Variants in LTN1 observed in about 807,000 individuals in gnomAD.
LTN1 encodes the protein E3 ubiquitin-protein ligase listerin.
A neutral mutation model predicts 201.2 loss-of-function variants in LTN1; 88 were observed. That is an observed-to-expected ratio of 0.44 (90% CI 0.37 to 0.52). The LOEUF (loss-of-function observed/expected upper bound fraction) is 0.52, where lower values mean the gene tolerates loss of function less well. Among genes scored for constraint, LTN1 ranks in the 20% least tolerant of loss-of-function variants. The pLI is 0.00. For missense variants in LTN1, 1,752 were observed against 2,038.7 expected (o/e 0.86, Z 2.71); for synonymous variants, 645 against 713.5 (o/e 0.90, Z 1.53).
At position 28,970,565 on chromosome 21, in the gene LTN1, A is replaced by T; in HGVS notation, c.1162T>A (p.Ser388Thr). 1 of 1,611,524 alleles carries T rather than the reference A, an allele frequency of 6.2e-7. No homozygotes were observed. The highest frequency in any genetic ancestry group is 8.5e-7 in the Non-Finnish European group (1 of 1,178,544). ...TAAATTACTTACCCAGCAACTAGAG[A>T]CGTGAGGAAATTTTTGAAGAAATCC... ...KLDFFKNFLT[S>T]LVAGLSTERT... The change falls in exon 8 of 30, where the codon TCT (serine) becomes ACT (threonine). Residue 388 changes from serine to threonine, a missense_variant. Ser to Thr is a moderately conservative substitution (Grantham distance 58). Around this residue, in one of 3 missense-constraint regions of LTN1, gnomAD observed 1,211 missense variants for 1,312.8 expected, o/e 0.92. Coordinates refer to ENST00000361371, the MANE Select transcript of LTN1 (RefSeq NM_015565.3).
chr21:28,939,298 G>A (rs1003607273), intron 25 of LTN1, among the ~76,000 whole-genome samples: 1 of 151,990 alleles, frequency 6.6e-6, no homozygotes, highest in Non-Finnish European at 1.5e-5. Context: ...GTCATGGGAG[G>A]GAGCCTGGAA....
At position 28,943,870 on chromosome 21, in the gene LTN1, C is replaced by A. The variant is rs2084316349; in HGVS notation, c.4017G>T (p.Gln1339His). 6.2e-7 allele frequency: 1 copy of A among 1,613,488 alleles called. No individual in the cohort carries two copies. Among genetic ancestry groups the A allele is most frequent in the Non-Finnish European group, 8.5e-7 (1 of 1,179,572 alleles). ...ENKDVSETSF[Q>H]NAMLKPMCET... is the part of the protein sequence containing the mutation. ...CACACATGGGTTTCAGCATTGCATTCTGAAAGGATGTTTCAGACACATCTT... is the reference window on the plus strand; with the variant it reads ...CACACATGGGTTTCAGCATTGCATTATGAAAGGATGTTTCAGACACATCTT... The change falls in exon 23 of 30, where the codon CAG (glutamine) becomes CAT (histidine). Residue 1339 changes from glutamine to histidine, a missense_variant. By Grantham distance (24) the Gln-to-His change is conservative. This residue lies in a region of LTN1 where 1,211 missense variants were observed against 1,312.8 expected (regional missense o/e 0.92). Transcript: ENST00000361371.
chr21:28,990,202 T>A (rs2084733968), intron 1 of LTN1, among the ~76,000 whole-genome samples: 1 of 152,218 alleles, frequency 6.6e-6, no homozygotes, highest in Non-Finnish European at 1.5e-5. Context: ...TGCTTACATA[T>A]GTGTCTGTAT....
In LTN1 at chr21:28,966,534, C is replaced by T. The variant is rs746037528; in HGVS notation, c.1957G>A (p.Val653Ile). The change falls in exon 10 of 30, where the codon GTA (valine) becomes ATA (isoleucine). Residue 653 changes from valine (V) to isoleucine (I), a missense_variant. Transcript: ENST00000361371. ...AACTGCACCGCAGGATTTTTTTGTA[C>T]AAGCTTGGCTATTTCAAGAGGTTTG... ...QAKPLEIAKL[V>I]QKNPAVQFLY... The T allele has an allele frequency of 6.2e-7, 1 of 1,614,044 alleles. No individual in the cohort carries two copies. The highest frequency in any genetic ancestry group is 1.3e-5 in the African/African-American group (1 of 75,022).
chr21:28,974,174 G>T (rs932523410), intron 6 of LTN1, among the ~76,000 whole-genome samples: 1 of 151,980 alleles, frequency 6.6e-6, no homozygotes, highest in Non-Finnish European at 1.5e-5. Flanking sequence ...AAAGAAAAAT[G>T]ATCAATTAAG....
At chr21:28,970,443 TA>T (rs2084564241) in intron 8 of LTN1, 108 bp downstream of exon 8, 2 of 749,106 alleles carry the variant, frequency 2.7e-6, no homozygotes, top group Non-Finnish European at 4.4e-6. Context: ...ACTTTAAAAG[TA>T]TTTAATGAAT....
intron 1 of LTN1, among the ~76,000 whole-genome samples, chr21:28,991,000 G>T (rs932768735): frequency 6.6e-6 from 1 of 152,098 alleles, no homozygotes; most frequent in African/African-American, 2.4e-5. Flanking sequence ...AGCTAGCCGT[G>T]ATGGCCTGTA....
At chr21:28,985,983 C>T (rs75528793) in intron 3 of LTN1, among the ~76,000 whole-genome samples, 156 bp downstream of exon 3, 3,965 of 152,152 alleles carry the variant, frequency 0.026, 153 homozygotes, top group African/African-American at 0.084. Context: ...TTTATTTCCA[C>T]GCTCTTCTCA....
At chr21:28,943,229 T>C (rs185066998) in intron 24 of LTN1, 33 bp downstream of exon 24, 80 of 1,368,362 alleles carry the variant, frequency 5.8e-5, no homozygotes, top group South Asian at 4.9e-5. Flanking sequence ...ATTATAAGAA[T>C]TTAATAAAAC....
chr21:28,959,737 A>AT, intron 12 of LTN1, 40 bp from the exon 13 acceptor site: 3 of 1,452,000 alleles, frequency 2.1e-6, no homozygotes, highest in Non-Finnish European at 2.8e-6. Flanking sequence ...AAATAAAAAT[A>AT]TTAACGTGTA....
intron 18 of LTN1, among the ~76,000 whole-genome samples, chr21:28,949,584 T>C (rs1288549352): frequency 2.6e-5 from 4 of 152,210 alleles, no homozygotes; most frequent in Admixed American, 6.5e-5. Flanking sequence ...GAAGGAATCA[T>C]AGAGTATCTG....
At chr21:28,953,463 C>T (rs945666024) in intron 16 of LTN1, 87 bp from the exon 17 acceptor site, 1 of 946,326 alleles carries the variant, frequency 1.1e-6, no homozygotes, top group African/African-American at 1.7e-5. Context: ...TGTTTTCTAA[C>T]ACTGTTGTGC....
At chr21:28,951,625 A>G (rs1376349074) in intron 18 of LTN1, among the ~76,000 whole-genome samples, 1 of 152,118 alleles carries the variant, frequency 6.6e-6, no homozygotes, top group African/African-American at 2.4e-5. Flanking sequence ...AAAAAAAAGT[A>G]CAGTATAAAA....
intron 25 of LTN1, among the ~76,000 whole-genome samples, chr21:28,939,513 G>A (rs1166007754): frequency 6.6e-6 from 1 of 152,076 alleles, no homozygotes; most frequent in Non-Finnish European, 1.5e-5. Context: ...CCATGATTTA[G>A]GAACATTTAA....
rs2146310303 is a variant in LTN1, at chr21:28,977,489, G to A, written c.810+3630C>T. On this transcript the variant is annotated intron_variant, in intron 6 of 29. Transcript: ENST00000361371. ...TGCCTGTAATCCCAAATGGGAGGCTGAGGCGGGCAGATCACCTGAGGTCAG... is the reference window on the plus strand; with the variant it reads ...TGCCTGTAATCCCAAATGGGAGGCTAAGGCGGGCAGATCACCTGAGGTCAG... Among the ~76,000 whole-genome samples the A allele has an allele frequency of 2.0e-5, 3 of 152,256 alleles. 1 individual carries two copies. The highest frequency in any genetic ancestry group is 3.9e-4 in the East Asian group (2 of 5,168).
At chr21:28,944,902 C>T (rs1244327870) in intron 21 of LTN1, among the ~76,000 whole-genome samples, 1 of 152,026 alleles carries the variant, frequency 6.6e-6, no homozygotes, top group Non-Finnish European at 1.5e-5. Flanking sequence ...CTCAGTAGCC[C>T]TACAAGTTGT....
At chr21:28,930,982 T>A (rs1333116188) in intron 29 of LTN1, among the ~76,000 whole-genome samples, 173 bp downstream of exon 29, 2 of 152,156 alleles carry the variant, frequency 1.3e-5, no homozygotes, top group African/African-American at 2.4e-5. Context: ...TGGCAGATTT[T>A]AAAAAATCAC....
At position 28,941,367 on chromosome 21, in the gene LTN1, T is replaced by C; in HGVS notation, c.4335A>G (p.Gln1445=). The change falls in exon 25 of 30, where the codon CAA becomes CAG. Residue 1445 remains glutamine, a synonymous_variant. Coordinates refer to ENST00000361371, the MANE Select transcript of LTN1 (RefSeq NM_015565.3). ...PAALMSLLSI[Q]EDLLENVLGC... ...CCAAAACATTTTCTAGTAAGTCCTC[T>C]TGAATGCTAAGAAGAGACATCAGTG... 2 of 1,613,468 alleles carry C rather than the reference T, an allele frequency of 1.2e-6. No individual in the cohort carries two copies. The highest frequency in any genetic ancestry group is 1.1e-5 in the South Asian group (1 of 90,968).
rs2084207134 is a variant in LTN1, at chr21:28,931,073, GT to G, written c.5238+81del. 4.3e-6 allele frequency: 3 copies of G among 703,476 alleles called. No individual in the cohort carries two copies. In the East Asian group the frequency reaches 9.5e-5, roughly 22 times the overall value. 43.6% of individuals were successfully genotyped at this position (703,476 alleles called of 1,614,324 possible). A position where few individuals can be genotyped will look rare whatever the true frequency, so the allele number is the denominator to read the frequency against. On this transcript the variant is annotated intron_variant, in intron 29 of 29. Transcript: ENST00000361371. The stretch of plus-strand genomic sequence containing the variant: ...GAAGTTAGACATTGTGTAGGTGTGT[GT>G]GTGTGTGTGTGTGTGTGTGTGTGTG...
Sources: gnomAD v4.1 joint callset for allele counts (sites outside exome capture counted in the v4.1 genomes callset) on GRCh38, gnomAD v4.1.1 for gene constraint, gnomAD v4.1.1 regional missense constraint, MANE v1.5 for transcripts, NCBI Gene and HGNC (gene_info 2026-07-23, HGNC 2026-07-21) for gene names.